FHOD3: variants seen among roughly 807,000 people sequenced by gnomAD.
FHOD3 encodes the protein formin homology 2 domain containing 3, also known as FH1/FH2 domain-containing protein 3.
In FHOD3, 90 loss-of-function variants were observed where a neutral mutation model predicts 173.0. That is an observed-to-expected ratio of 0.52 (90% CI 0.44 to 0.62). The LOEUF (loss-of-function observed/expected upper bound fraction) is 0.62, where lower values mean the gene tolerates loss of function less well. Ranked by LOEUF, FHOD3 falls within the 20% of genes least tolerant of loss-of-function variation. FHOD3 has a pLI of 0.00. For missense variants in FHOD3, 1,945 were observed against 2,034.7 expected, an observed-to-expected ratio of 0.96 and a Z score of 0.85; for synonymous variants, 828 against 823.0, an observed-to-expected ratio of 1.01 and a Z score of -0.10.
Position 36,498,649 on chromosome 18 carries a change from T to A in FHOD3, c.338-3283T>A, listed in dbSNP as rs189731725. Among the ~76,000 whole-genome samples, 24 of 152,198 alleles carry A rather than the reference T, an allele frequency of 1.6e-4. No homozygotes were observed. In the East Asian group the frequency reaches 4.4e-3, roughly 28 times the overall value. On this transcript the variant is annotated intron_variant, in intron 3 of 28. Coordinates refer to ENST00000590592, the MANE Select transcript of FHOD3 (RefSeq NM_001281740.3). Reference sequence around the variant, plus strand: ...GCCCTACATTAATGAAGAAATTGAATAAATAACACAAAGTCTATACAAATC... The same window carrying A: ...GCCCTACATTAATGAAGAAATTGAAAAAATAACACAAAGTCTATACAAATC...
chr18:36,485,265 C>T (rs2054136778), intron 3 of FHOD3, among the ~76,000 whole-genome samples: 1 of 152,202 alleles, frequency 6.6e-6, no homozygotes, highest in South Asian at 2.1e-4. Flanking sequence ...CCATGGTGAT[C>T]ATGGTGTTAG....
chr18:36,568,751 A>G (rs1214211067), intron 5 of FHOD3, among the ~76,000 whole-genome samples: 2 of 152,250 alleles, frequency 1.3e-5, no homozygotes, highest in African/African-American at 2.4e-5. Flanking sequence ...ATTTTCTGTA[A>G]TATTTAAACA....
intron 6 of FHOD3, 40 bp from the exon 7 acceptor site, chr18:36,594,747 C>T (rs769796503): frequency 1.4e-6 from 2 of 1,475,902 alleles, no homozygotes; most frequent in Non-Finnish European, 9.4e-7. Flanking sequence ...TGCACAGGGC[C>T]TTGTTGGCAG....
At chr18:36,454,469 G>A (rs76950057) in intron 3 of FHOD3, among the ~76,000 whole-genome samples, 5,240 of 152,218 alleles carry the variant, frequency 0.034, 280 homozygotes, top group African/African-American at 0.12. Context: ...TTAAGATGAT[G>A]TCAATATTGC....
chr18:36,424,695 T>A (rs2050152631), intron 3 of FHOD3, among the ~76,000 whole-genome samples: 1 of 152,262 alleles, frequency 6.6e-6, no homozygotes, highest in African/African-American at 2.4e-5. Flanking sequence ...TGTTTACAAT[T>A]TGGCTTTCAG....
chr18:36,453,713 A>T (rs1445639028), intron 3 of FHOD3, among the ~76,000 whole-genome samples: 2 of 152,204 alleles, frequency 1.3e-5, no homozygotes, highest in Non-Finnish European at 2.9e-5. Flanking sequence ...ATGAGGCCAG[A>T]GGCTGGGAGC....
At chr18:36,396,183 G>A (rs1042722027) in intron 3 of FHOD3, among the ~76,000 whole-genome samples, 1 of 151,954 alleles carries the variant, frequency 6.6e-6, no homozygotes, top group Non-Finnish European at 1.5e-5. Flanking sequence ...ATTTTTTTCT[G>A]TAAAGTCCAG....
intron 5 of FHOD3, among the ~76,000 whole-genome samples, chr18:36,534,750 C>G (rs1178854238): frequency 6.6e-6 from 1 of 152,202 alleles, no homozygotes; most frequent in Non-Finnish European, 1.5e-5. Flanking sequence ...GCTTGCCTTT[C>G]CCCTGTTTTA....
intron 20 of FHOD3, among the ~76,000 whole-genome samples, chr18:36,737,487 G>A (rs935512123): frequency 2.6e-5 from 4 of 152,328 alleles, no homozygotes; most frequent in Admixed American, 6.5e-5. Flanking sequence ...GGTGGGACAC[G>A]TGCCAGGTTG....
chr18:36,721,803 G>C (rs548796647), intron 19 of FHOD3, among the ~76,000 whole-genome samples: 1 of 152,172 alleles, frequency 6.6e-6, no homozygotes, highest in South Asian at 2.1e-4. Context: ...TGGGTTTCTG[G>C]CTCAGAAATT....
intron 3 of FHOD3, among the ~76,000 whole-genome samples, chr18:36,404,752 C>A (rs566243818): frequency 1.3e-5 from 2 of 152,126 alleles, no homozygotes; most frequent in African/African-American, 4.8e-5. Flanking sequence ...TGTGTGCTTG[C>A]GGTATTGTTC....
At chr18:36,759,226 T>G in intron 26 of FHOD3, 85 bp downstream of exon 26, 1 of 1,396,880 alleles carries the variant, frequency 7.2e-7, no homozygotes, top group Non-Finnish European at 9.8e-7. Flanking sequence ...CAGCATGAAG[T>G]GTCAGCACCA....
At chr18:36,584,172 C>T (rs2058949775) in intron 6 of FHOD3, among the ~76,000 whole-genome samples, 1 of 152,176 alleles carries the variant, frequency 6.6e-6, no homozygotes, top group Non-Finnish European at 1.5e-5. Context: ...ATTTTCCTCC[C>T]CTACCCTGCC....
At chr18:36,358,347 C>T (rs2046456380) in intron 2 of FHOD3, among the ~76,000 whole-genome samples, 1 of 152,266 alleles carries the variant, frequency 6.6e-6, no homozygotes. Flanking sequence ...ATCACTGACA[C>T]TACAGTTCAC....
intron 16 of FHOD3, among the ~76,000 whole-genome samples, chr18:36,688,270 A>G (rs781232805): frequency 3.3e-5 from 5 of 152,208 alleles, no homozygotes; most frequent in Non-Finnish European, 5.9e-5. Flanking sequence ...AACACCTTTT[A>G]TGCTGGAGCC....
At chr18:36,360,926 C>T (rs2046576759) in intron 2 of FHOD3, among the ~76,000 whole-genome samples, 1 of 152,186 alleles carries the variant, frequency 6.6e-6, no homozygotes. Context: ...TGGGAAATCA[C>T]AGAATAGATT....
chr18:36,587,589 T>C (rs1976305), intron 6 of FHOD3, among the ~76,000 whole-genome samples: 151,140 of 152,208 alleles, frequency 0.99, 75,053 homozygotes, highest in East Asian at 1. Context: ...GTCGGGAGTT[T>C]GAGACCAGCC....
chr18:36,377,232 G>C (rs976705872), intron 3 of FHOD3, among the ~76,000 whole-genome samples: 2 of 152,170 alleles, frequency 1.3e-5, no homozygotes. Flanking sequence ...TCTTCAGCCT[G>C]TGAATCTGAG....
At chr18:36,761,133 T>G (rs2042859730) in intron 27 of FHOD3, among the ~76,000 whole-genome samples, 1 of 152,220 alleles carries the variant, frequency 6.6e-6, no homozygotes, top group African/African-American at 2.4e-5. Context: ...TTTACTCATT[T>G]GTGTAGTGTC....
Sources: gnomAD v4.1 joint callset for allele counts (sites outside exome capture counted in the v4.1 genomes callset) on GRCh38, gnomAD v4.1.1 for gene constraint, MANE v1.5 for transcripts, NCBI Gene and HGNC (gene_info 2026-07-23, HGNC 2026-07-21) for gene names.